Variants in CDH4 observed in about 807,000 individuals in gnomAD.
CDH4 encodes cadherin 4, also known as cadherin-4.
A neutral mutation model predicts 86.0 loss-of-function variants in CDH4; 33 were observed. That is an observed-to-expected ratio of 0.38 (90% CI 0.29 to 0.51). The LOEUF (loss-of-function observed/expected upper bound fraction) is 0.51, where lower values mean the gene tolerates loss of function less well. CDH4 is among the 20% of genes least tolerant of loss of function. The probability of loss-of-function intolerance (pLI) is 0.86; values close to 1 mark genes in which losing one functional copy is unlikely to be tolerated. For missense variants in CDH4, 1,114 were observed against 1,307.4 expected, an observed-to-expected ratio of 0.85 and a Z score of 2.28; for synonymous variants, 555 against 549.4, an observed-to-expected ratio of 1.01 and a Z score of -0.14.
chr20:61,409,667 A>G (rs2085105215), intron 2 of CDH4, among the ~76,000 whole-genome samples: 1 of 152,256 alleles, frequency 6.6e-6, no homozygotes, highest in African/African-American at 2.4e-5. Flanking sequence ...GGTTGGTCGC[A>G]GAAATCAGTC....
At chr20:61,537,395 A>G (rs1033465518) in intron 2 of CDH4, among the ~76,000 whole-genome samples, 1 of 152,194 alleles carries the variant, frequency 6.6e-6, no homozygotes, top group Non-Finnish European at 1.5e-5. Flanking sequence ...GGAGAGGCTG[A>G]CTGACTGAGC....
At chr20:61,439,615 G>A (rs2085304102) in intron 2 of CDH4, among the ~76,000 whole-genome samples, 1 of 152,246 alleles carries the variant, frequency 6.6e-6, no homozygotes, top group Admixed American at 6.5e-5. Context: ...AGAGTCCTCT[G>A]TGGAAACCAG....
At chr20:61,543,357 T>C (rs1227252570) in intron 2 of CDH4, among the ~76,000 whole-genome samples, 1 of 152,246 alleles carries the variant, frequency 6.6e-6, no homozygotes, top group Non-Finnish European at 1.5e-5. Flanking sequence ...AATGCTGAAG[T>C]GTTTGACGTG....
At chr20:61,840,164 C>T (rs1305449850) in intron 4 of CDH4, among the ~76,000 whole-genome samples, 1 of 152,186 alleles carries the variant, frequency 6.6e-6, no homozygotes, top group East Asian at 1.9e-4. Flanking sequence ...GTGTCTGTGT[C>T]CGTCTGCGGG....
chr20:61,287,242 CT>C (rs374486533), intron 2 of CDH4, among the ~76,000 whole-genome samples: 7 of 152,276 alleles, frequency 4.6e-5, no homozygotes, highest in African/African-American at 1.7e-4. Flanking sequence ...CACACTACAT[CT>C]TCTTTAAAAT....
intron 2 of CDH4, among the ~76,000 whole-genome samples, chr20:61,322,754 G>A (rs547508307): frequency 3.3e-5 from 5 of 152,194 alleles, no homozygotes; most frequent in African/African-American, 9.6e-5. Context: ...GGCAGGGAGC[G>A]GAACACTCAC....
chr20:61,792,975 G>GT (rs1342600001), intron 4 of CDH4, among the ~76,000 whole-genome samples: 12 of 150,700 alleles, frequency 8.0e-5, no homozygotes, highest in Middle Eastern at 3.5e-3. Context: ...TTTTGTTTTT[G>GT]TTTTTGAGAC....
chr20:61,651,826 C>CGATTTTCAGTCATTCT (rs1442984275), intron 2 of CDH4, among the ~76,000 whole-genome samples: 1 of 152,144 alleles, frequency 6.6e-6, no homozygotes, highest in East Asian at 1.9e-4. Context: ...AATGGCATTC[C>CGATTTTCAGTCATTCT]GATTTTCAGT....
chr20:61,388,605 C>T (rs1020003892), intron 2 of CDH4, among the ~76,000 whole-genome samples: 2 of 152,168 alleles, frequency 1.3e-5, no homozygotes, highest in Non-Finnish European at 2.9e-5. Context: ...TACCTTCTGC[C>T]CATGCTTCTA....
chr20:61,535,501 T>C (rs2085989583), intron 2 of CDH4, among the ~76,000 whole-genome samples: 2 of 152,256 alleles, frequency 1.3e-5, no homozygotes, highest in African/African-American at 4.8e-5. Flanking sequence ...AATCAATTTG[T>C]AGTTTTCCCA....
At chr20:61,624,835 G>T (rs1356872804) in intron 2 of CDH4, among the ~76,000 whole-genome samples, 1 of 152,186 alleles carries the variant, frequency 6.6e-6, no homozygotes, top group African/African-American at 2.4e-5. Context: ...ATGGGGGATA[G>T]TACAGACCCG....
intron 2 of CDH4, among the ~76,000 whole-genome samples, chr20:61,534,489 C>T (rs956099463): frequency 2.0e-5 from 3 of 152,218 alleles, no homozygotes; most frequent in East Asian, 1.9e-4. Context: ...CCGCCGTGAT[C>T]GGAGGCTGAG....
intron 11 of CDH4, among the ~76,000 whole-genome samples, chr20:61,925,777 C>T (rs957157318): frequency 1.2e-4 from 19 of 152,166 alleles, no homozygotes; most frequent in Admixed American, 9.2e-4. Context: ...GACTGTGCCA[C>T]GGCATGGCCC....
chr20:61,768,218 C>T (rs1256448233), intron 3 of CDH4, among the ~76,000 whole-genome samples: 1 of 152,198 alleles, frequency 6.6e-6, no homozygotes, highest in Non-Finnish European at 1.5e-5. Flanking sequence ...CACAAACACA[C>T]ATAAGCAATG....
chr20:61,615,599 G>A (rs2086718832), intron 2 of CDH4, among the ~76,000 whole-genome samples: 1 of 152,222 alleles, frequency 6.6e-6, no homozygotes, highest in East Asian at 1.9e-4. Flanking sequence ...CTGTGACTCT[G>A]ATGATTCAGG....
At chr20:61,658,596 C>G (rs973837494) in intron 2 of CDH4, among the ~76,000 whole-genome samples, 3 of 152,184 alleles carry the variant, frequency 2.0e-5, no homozygotes, top group East Asian at 1.9e-4. Flanking sequence ...GTTATACACA[C>G]CAGTGTGGCC....
intron 2 of CDH4, among the ~76,000 whole-genome samples, chr20:61,346,347 G>A (rs1389366444): frequency 1.3e-5 from 2 of 152,202 alleles, no homozygotes; most frequent in African/African-American, 4.8e-5. Flanking sequence ...AGCCAGGCCA[G>A]CCATGGGAGC....
chr20:61,745,573 C>T (rs1291608324), intron 3 of CDH4, among the ~76,000 whole-genome samples: 1 of 152,158 alleles, frequency 6.6e-6, no homozygotes, highest in Non-Finnish European at 1.5e-5. Flanking sequence ...AAATCATGAG[C>T]CCCACCTGTG....
chr20:61,813,638 G>A (rs774340699), intron 4 of CDH4, among the ~76,000 whole-genome samples: 6 of 152,200 alleles, frequency 3.9e-5, no homozygotes, highest in African/African-American at 4.8e-5. Flanking sequence ...GCTGTGTAAT[G>A]GGGGCTCAGA....
Sources: allele counts gnomAD v4.1 joint callset (sites outside exome capture counted in the v4.1 genomes callset), GRCh38; gene constraint gnomAD v4.1.1; transcripts MANE v1.5; gene names NCBI Gene and HGNC (gene_info 2026-07-23, HGNC 2026-07-21).